RABGEF1: variants seen among roughly 807,000 people sequenced by gnomAD.
RABGEF1 encodes RAB guanine nucleotide exchange factor 1.
A neutral mutation model predicts 57.3 loss-of-function variants in RABGEF1; 26 were observed. The ratio of observed to expected loss-of-function variants is 0.45; its 90% CI spans 0.33 to 0.63. The LOEUF (loss-of-function observed/expected upper bound fraction) is 0.63, where lower values mean the gene tolerates loss of function less well. RABGEF1 is among the 20% of genes least tolerant of loss of function. The probability of loss-of-function intolerance (pLI) is 0.02; values close to 1 mark genes in which losing one functional copy is unlikely to be tolerated. For synonymous variants in RABGEF1, 185 were observed against 210.7 expected (o/e 0.88, Z 1.06); for missense variants, 464 against 607.6 (o/e 0.76, Z 2.48).
At chr7:66,788,830 C>T (rs1401879064) in intron 4 of RABGEF1, among the ~76,000 whole-genome samples, 1 of 152,060 alleles carries the variant, frequency 6.6e-6, no homozygotes, top group Non-Finnish European at 1.5e-5. Flanking sequence ...TGGCGGGTGC[C>T]TGTAATCCCA....
intron 1 of RABGEF1, among the ~76,000 whole-genome samples, chr7:66,709,554 C>T (rs951392825): frequency 4.6e-5 from 7 of 151,986 alleles, no homozygotes; most frequent in African/African-American, 9.7e-5. Context: ...TTTGTGAGTC[C>T]GAGGTGGGCA....
chr7:66,677,033 T>A, the RABGEF1 span, among the ~76,000 whole-genome samples: 8 of 152,320 alleles, frequency 5.3e-5, no homozygotes, highest in East Asian at 1.5e-3. Flanking sequence ...CAGGTTTTCT[T>A]CTAAGAGTTT....
intron 1 of RABGEF1, among the ~76,000 whole-genome samples, chr7:66,688,044 T>G (rs955361280): frequency 7.0e-6 from 1 of 142,762 alleles, no homozygotes; most frequent in African/African-American, 2.7e-5. Flanking sequence ...GAGATCGTGT[T>G]ATTGCACTCC....
chr7:66,735,493 G>A (rs763109276), intron 2 of RABGEF1, among the ~76,000 whole-genome samples: 2 of 152,334 alleles, frequency 1.3e-5, no homozygotes, highest in Middle Eastern at 3.4e-3. Context: ...TGGACTTCTG[G>A]GAGGTTGAAA....
At chr7:66,707,525 T>C (rs1036010376) in intron 1 of RABGEF1, among the ~76,000 whole-genome samples, 3 of 152,056 alleles carry the variant, frequency 2.0e-5, no homozygotes, top group African/African-American at 7.2e-5. Context: ...CTGTCTCTAC[T>C]AAAAATGCAA....
At chr7:66,738,019 T>TTG (rs1798227784), upstream of RABGEF1, among the ~76,000 whole-genome samples, 2 of 134,998 alleles carry the variant, frequency 1.5e-5, no homozygotes, top group Admixed American at 7.4e-5. Context: ...TTTTTGTTTT[T>TTG]TTTGTTTTTT....
Position 66,790,070 on chromosome 7 carries a change from T to TG in RABGEF1, c.514-5440dup, listed in dbSNP as rs1812265447. Reference sequence around the variant, plus strand: ...CAAGCATTGGCAGATACTGAGGACTTGCAGCAGATCAGCCAAAAATTGGTG... The same window carrying TG: ...CAAGCATTGGCAGATACTGAGGACTTGGCAGCAGATCAGCCAAAAATTGGTG... On this transcript the variant is annotated intron_variant, in intron 4 of 8. Transcript: ENST00000284957. 2.6e-5 allele frequency among the ~76,000 whole-genome samples: 4 copies of TG among 152,232 alleles called. No individual in the cohort carries two copies. In the South Asian group the frequency reaches 8.3e-4, roughly 31 times the overall value.
chr7:66,675,461 A>G, the RABGEF1 span, among the ~76,000 whole-genome samples: 1 of 152,036 alleles, frequency 6.6e-6, no homozygotes, highest in African/African-American at 2.4e-5. Context: ...AAAAACCCCA[A>G]AAAACTCCCC....
chr7:66,742,246 T>C (rs1247164239), intron 1 of RABGEF1, among the ~76,000 whole-genome samples: 1 of 152,232 alleles, frequency 6.6e-6, no homozygotes, highest in African/African-American at 2.4e-5. Context: ...TATTTAATGA[T>C]AAATAACATT....
chr7:66,741,857 G>A (rs546071244), intron 1 of RABGEF1, among the ~76,000 whole-genome samples: 2 of 152,126 alleles, frequency 1.3e-5, no homozygotes, highest in Non-Finnish European at 2.9e-5. Context: ...GTGTGTTCCG[G>A]CCGGGTGCGG....
At chr7:66,680,766 A>G (rs1789656944), upstream of RABGEF1, among the ~76,000 whole-genome samples, 1 of 152,024 alleles carries the variant, frequency 6.6e-6, no homozygotes, top group Non-Finnish European at 1.5e-5. Flanking sequence ...GGCCAATATG[A>G]TGAAACCCTG....
the RABGEF1 span, among the ~76,000 whole-genome samples, chr7:66,659,617 C>G: frequency 6.6e-6 from 1 of 151,456 alleles, no homozygotes; most frequent in East Asian, 2.0e-4. Context: ...CCACCTCTAC[C>G]TAAAATACAA....
intron 1 of RABGEF1, among the ~76,000 whole-genome samples, chr7:66,754,674 A>C (rs1802285966): frequency 6.6e-6 from 1 of 152,216 alleles, no homozygotes; most frequent in Non-Finnish European, 1.5e-5. Context: ...AAGACTTCTT[A>C]AAAGCTTAGA....
intron 1 of RABGEF1, among the ~76,000 whole-genome samples, chr7:66,696,546 CA>C (rs1487982825): frequency 3.9e-5 from 6 of 152,072 alleles, no homozygotes; most frequent in Middle Eastern, 3.4e-3. Flanking sequence ...AAAAATTAGC[CA>C]GGCATGATGG....
the RABGEF1 span, among the ~76,000 whole-genome samples, chr7:66,674,118 C>T: frequency 7.2e-5 from 11 of 152,036 alleles, no homozygotes; most frequent in South Asian, 4.2e-4. Flanking sequence ...GTTAACCACG[C>T]GCTTACCCTA....
At chr7:66,729,479 TCTCCATCCTCAC>T (rs970602648) in intron 2 of RABGEF1, among the ~76,000 whole-genome samples, 4 of 426 alleles carry the variant, frequency 9.4e-3, no homozygotes, top group African/African-American at 0.015. Context: ...TTCCTCCTGC[TCTCCATCCTCAC>T]CTCCATCCTC....
chr7:66,804,076 C>T (rs906173571), intron 7 of RABGEF1, among the ~76,000 whole-genome samples: 2 of 151,460 alleles, frequency 1.3e-5, no homozygotes, highest in Non-Finnish European at 2.9e-5. Flanking sequence ...TGTCGGATTC[C>T]AGTAGCTGGA....
At chr7:66,670,405 T>A in the RABGEF1 span, among the ~76,000 whole-genome samples, 1 of 151,566 alleles carries the variant, frequency 6.6e-6, no homozygotes, top group Admixed American at 6.6e-5. Context: ...TTGATGGAAT[T>A]TAATAAATGG....
At position 66,697,123 on chromosome 7, in the gene RABGEF1, G is replaced by A. The variant is rs571008716; in HGVS notation, c.-873+14865G>A. ...GCACAGTCATGGTGGTGAGGGTGGA[G>A]GGGGTGCAGAGCAGGAGTGAGAGGG... On this transcript the variant is annotated intron_variant and NMD_transcript_variant, in intron 1 of 9. Transcript: ENST00000607882. Among the ~76,000 whole-genome samples, 6 of 152,274 alleles carry A rather than the reference G, an allele frequency of 3.9e-5. No individual in the cohort carries two copies. In the East Asian group the frequency reaches 1.2e-3, roughly 29 times the overall value.
Sources: allele counts gnomAD v4.1 joint callset (sites outside exome capture counted in the v4.1 genomes callset), GRCh38; gene constraint gnomAD v4.1.1; transcripts MANE v1.5; gene names NCBI Gene and HGNC (gene_info 2026-07-23, HGNC 2026-07-21).